DNAL1: variants seen among roughly 807,000 people sequenced by gnomAD.
DNAL1 encodes dynein axonemal light chain 1.
In DNAL1, 17 loss-of-function variants were observed where a neutral mutation model predicts 29.4. The ratio of observed to expected loss-of-function variants is 0.58; its 90% CI spans 0.40 to 0.87. DNAL1 has a LOEUF of 0.87. Among genes scored for constraint, DNAL1 ranks in the 40% least tolerant of loss-of-function variants. The pLI is 0.00. For missense variants in DNAL1, 188 were observed against 214.1 expected (o/e 0.88, Z 0.76); for synonymous variants, 78 against 76.3 (o/e 1.02, Z -0.12).
chr14:73,689,050 T>TG (rs1892096517), intron 6 of DNAL1, among the ~76,000 whole-genome samples: 1 of 115,616 alleles, frequency 8.6e-6, no homozygotes, highest in Non-Finnish European at 1.8e-5. Flanking sequence ...TTTTTTTTTT[T>TG]TGAGACAGAG....
intron 3 of DNAL1, 25 bp downstream of exon 3, chr14:73,658,981 G>A: frequency 7.2e-7 from 1 of 1,386,450 alleles, no homozygotes; most frequent in East Asian, 2.6e-5. Flanking sequence ...CATCCTTCCA[G>A]TATTGCTGTT....
chr14:73,648,998 C>G (rs1341353276), intron 1 of DNAL1, among the ~76,000 whole-genome samples: 1 of 151,752 alleles, frequency 6.6e-6, no homozygotes, highest in Non-Finnish European at 1.5e-5. Flanking sequence ...TTTTTTGAGA[C>G]AGAGTCTCAC....
intron 2 of DNAL1, among the ~76,000 whole-genome samples, chr14:73,657,649 A>T (rs1233914309): frequency 6.6e-6 from 1 of 152,226 alleles, no homozygotes; most frequent in East Asian, 1.9e-4. Context: ...GCTGGAGTAC[A>T]ATGGCACGAT....
rs62004921 is a variant in DNAL1, at chr14:73,669,650, G to T, written c.209-1892G>T. 2.0e-5 allele frequency among the ~76,000 whole-genome samples: 3 copies of T among 151,626 alleles called. No individual in the cohort carries two copies. The East Asian group carries it at 5.8e-4, about 29-fold the overall frequency. On this transcript the variant is annotated intron_variant, in intron 4 of 7. Coordinates refer to ENST00000553645, the MANE Select transcript of DNAL1 (RefSeq NM_031427.4). ...TTTCTATGTTGCCCAGGCTGGTCTC[G>T]AACTTCTGGCATCAAATGATACTCC...
chr14:73,693,168 A>G (rs1379630694), intron 7 of DNAL1, among the ~76,000 whole-genome samples: 1 of 152,184 alleles, frequency 6.6e-6, no homozygotes, highest in East Asian at 1.9e-4. Context: ...TAAAATAAAA[A>G]AGACGGACAA....
At chr14:73,676,881 T>G (rs1248259045) in intron 5 of DNAL1, among the ~76,000 whole-genome samples, 1 of 152,096 alleles carries the variant, frequency 6.6e-6, no homozygotes, top group African/African-American at 2.4e-5. Flanking sequence ...GTTCCCACAA[T>G]GCTAATGCTA....
Position 73,667,298 on chromosome 14 carries a change from C to G in DNAL1, c.209-4244C>G, listed in dbSNP as rs559190825. Among the ~76,000 whole-genome samples, 86 of 151,650 alleles carry G rather than the reference C, an allele frequency of 5.7e-4. 1 individual carries two copies. Among genetic ancestry groups the G allele is most frequent in the Middle Eastern group, 3.4e-3 (1 of 294 alleles). On this transcript the variant is annotated intron_variant, in intron 4 of 7. Coordinates refer to ENST00000553645, the MANE Select transcript of DNAL1 (RefSeq NM_031427.4). ...CCAACATGGTGAAACCTCGTCTCTACTAAAAATACAAAAAAAATTAGCCAG... is the reference window on the plus strand; with the variant it reads ...CCAACATGGTGAAACCTCGTCTCTAGTAAAAATACAAAAAAAATTAGCCAG...
intron 4 of DNAL1, among the ~76,000 whole-genome samples, chr14:73,667,150 TTTTC>T (rs1228331118): frequency 1.3e-5 from 2 of 151,554 alleles, no homozygotes; most frequent in Non-Finnish European, 1.5e-5. Flanking sequence ...TAAATTGATT[TTTTC>T]TTTTTTTTTT....
In DNAL1 at chr14:73,685,621, G is replaced by A. The variant is rs144218221; in HGVS notation, c.265-1638G>A. 8.1e-3 allele frequency among the ~76,000 whole-genome samples: 1,227 copies of A among 151,936 alleles called. 24 individuals carry two copies. The highest frequency in any genetic ancestry group is 0.028 in the African/African-American group (1,161 of 41,440). On this transcript the variant is annotated intron_variant, in intron 5 of 7. Transcript: ENST00000553645. The stretch of plus-strand genomic sequence containing the variant: ...ACTACAGGCATGTGCCACCATGCCC[G>A]GCTAATTTTTTTATATTTTTATTAG...
intron 1 of DNAL1, among the ~76,000 whole-genome samples, chr14:73,651,906 C>T (rs1184508877): frequency 1.3e-5 from 2 of 152,182 alleles, no homozygotes; most frequent in Non-Finnish European, 2.9e-5. Flanking sequence ...ATCTACCCGC[C>T]TCAGCCTCCC....
At position 73,654,829 on chromosome 14, in the gene DNAL1, T is replaced by C. The variant is rs762472204; in HGVS notation, c.4-18T>C. 4 of 189,626 alleles carry C rather than the reference T, an allele frequency of 2.1e-5. No homozygotes were observed. The highest frequency in any genetic ancestry group is 2.9e-5 in the Non-Finnish European group (3 of 105,154). 11.7% of individuals were successfully genotyped at this position (189,626 alleles called of 1,614,324 possible). A position where few individuals can be genotyped will look rare whatever the true frequency, so the allele number is the denominator to read the frequency against. ...ACAACTTTGTTTTTTCTTTTCTTTC[T>C]TTTTTTTTTTTTTAAAGGCGAAAGC... On this transcript the variant is annotated intron_variant, in intron 1 of 7. Transcript: ENST00000553645.
At chr14:73,680,701 A>G (rs1477583248) in intron 5 of DNAL1, among the ~76,000 whole-genome samples, 1 of 152,212 alleles carries the variant, frequency 6.6e-6, no homozygotes, top group Non-Finnish European at 1.5e-5. Flanking sequence ...CATGCATCAC[A>G]TAATGACTGG....
chr14:73,677,553 T>A (rs1293616303), intron 5 of DNAL1, among the ~76,000 whole-genome samples: 1 of 149,450 alleles, frequency 6.7e-6, no homozygotes, highest in Admixed American at 6.7e-5. Flanking sequence ...TATATTTATT[T>A]ATTTATTTAT....
In DNAL1 at chr14:73,700,455, G is replaced by A. The variant is rs1188526399; in HGVS notation, c.*4513G>A. 1 of 152,184 alleles carries A rather than the reference G, an allele frequency of 6.6e-6. No homozygotes were observed. Among genetic ancestry groups the A allele is most frequent in the Non-Finnish European group, 1.5e-5 (1 of 68,022 alleles). 9.4% of individuals were successfully genotyped at this position (152,184 alleles called of 1,614,324 possible). ...TACCAGTGGTCTGAAGCAGAATAAGGAAGAATAAGAAATGAATCTTGACTG... is the reference window on the plus strand; with the variant it reads ...TACCAGTGGTCTGAAGCAGAATAAGAAAGAATAAGAAATGAATCTTGACTG... On this transcript the variant is annotated 3_prime_UTR_variant, in exon 8 of 8. Coordinates refer to ENST00000553645, the MANE Select transcript of DNAL1 (RefSeq NM_031427.4).
chr14:73,671,444 C>G, intron 4 of DNAL1, 98 bp from the exon 5 acceptor site: 2 of 1,192,534 alleles, frequency 1.7e-6, no homozygotes, highest in Non-Finnish European at 2.2e-6. Flanking sequence ...ATAAGGATAT[C>G]TATTATATAA....
Position 73,695,915 on chromosome 14 carries a change from T to G in DNAL1, c.546T>G (p.Ile182Met). Residue 182 changes from isoleucine (I) to methionine (M), a missense_variant, in exon 8 of 8, where the codon ATT becomes ATG. Physicochemically the swap from Ile to Met is conservative, Grantham distance 10. Coordinates refer to ENST00000553645, the MANE Select transcript of DNAL1 (RefSeq NM_031427.4). ...KLKKLDGTPVIKGDEEEDN is the reference protein window; with the variant it reads ...KLKKLDGTPVMKGDEEEDN ...TTTTCATTTTAGGTACTCCAGTAAT[T>G]AAAGGGGATGAGGAAGAAGACAACT... 2 of 1,587,386 alleles carry G rather than the reference T, an allele frequency of 1.3e-6. No individual in the cohort carries two copies. The highest frequency in any genetic ancestry group is 1.2e-5 in the South Asian group (1 of 86,896).
At position 73,700,282 on chromosome 14, in the gene DNAL1, G is replaced by T. The variant is rs1300725145; in HGVS notation, c.*4340G>T. 1 of 152,154 alleles carries T rather than the reference G, an allele frequency of 6.6e-6. No individual in the cohort carries two copies. The highest frequency in any genetic ancestry group is 1.5e-5 in the Non-Finnish European group (1 of 68,048). The allele number at this position is 152,154 out of a possible 1,614,324, so 9.4% of individuals were successfully genotyped here. A position where few individuals can be genotyped will look rare whatever the true frequency, so the allele number is the denominator to read the frequency against. ...GCAGGAGAATTGCTTGAACCCGGGAGGCAGAGGCTTCAGTGAGCCGAAATA... is the reference window on the plus strand; with the variant it reads ...GCAGGAGAATTGCTTGAACCCGGGATGCAGAGGCTTCAGTGAGCCGAAATA... On this transcript the variant is annotated 3_prime_UTR_variant, in exon 8 of 8. Transcript: ENST00000553645.
At chr14:73,651,451 T>A (rs546959621) in intron 1 of DNAL1, 2 of 152,350 alleles carry the variant, frequency 1.3e-5, no homozygotes, top group South Asian at 4.1e-4. Flanking sequence ...CCTTGAAAGC[T>A]TAGTAGAACT....
chr14:73,647,134 G>A (rs902142347), intron 1 of DNAL1, among the ~76,000 whole-genome samples: 6 of 151,834 alleles, frequency 4.0e-5, no homozygotes, highest in Non-Finnish European at 7.4e-5. Context: ...CGAGGTGGGC[G>A]GATCACGAGG....
Sources: gnomAD v4.1 joint callset for allele counts (sites outside exome capture counted in the v4.1 genomes callset) on GRCh38, gnomAD v4.1.1 for gene constraint, MANE v1.5 for transcripts, NCBI Gene and HGNC (gene_info 2026-07-23, HGNC 2026-07-21) for gene names.